The following ENOSF1 variants were observed in gnomAD, a reference collection of about 807,000 sequenced individuals.
ENOSF1 encodes enolase superfamily member 1.
Under a neutral mutation model 68.2 loss-of-function variants are expected in ENOSF1, and 73 were observed. The ratio of observed to expected loss-of-function variants is 1.07; its 90% CI spans 0.89 to 1.30. The LOEUF (loss-of-function observed/expected upper bound fraction) is 1.30. Ranked by LOEUF, ENOSF1 falls within the 50% of genes most tolerant of loss-of-function variation. The probability of loss-of-function intolerance (pLI) is 0.00; values close to 1 mark genes in which losing one functional copy is unlikely to be tolerated. For missense variants in ENOSF1, 589 were observed against 554.5 expected (o/e 1.06, Z -0.62); for synonymous variants, 223 against 210.4 (o/e 1.06, Z -0.52).
chr18:669,182 A>G, downstream of ENOSF1: 1 of 1,612,428 alleles, frequency 6.2e-7, no homozygotes, highest in South Asian at 1.1e-5. Context: ...AGGTTGAAAG[A>G]ACCCCGTCGT....
intron 1 of ENOSF1, among the ~76,000 whole-genome samples, chr18:711,587 G>A (rs896111175): frequency 6.6e-6 from 1 of 152,182 alleles, no homozygotes; most frequent in Non-Finnish European, 1.5e-5. Context: ...TGGGGAACAG[G>A]CTCCCTGAAA....
intron 2 of ENOSF1, among the ~76,000 whole-genome samples, chr18:703,320 C>T (rs1400378512): frequency 1.3e-5 from 2 of 152,110 alleles, no homozygotes; most frequent in Admixed American, 6.6e-5. Context: ...AGGGCCCCTC[C>T]ACGTGTGCCC....
chr18:667,265 A>G (rs1475697480), downstream of ENOSF1, among the ~76,000 whole-genome samples: 1 of 23,860 alleles, frequency 4.2e-5, no homozygotes, highest in Non-Finnish European at 7.1e-5. Flanking sequence ...GGTGATGGAG[A>G]TGGTGATGGT....
rs958340690 is a variant in ENOSF1 at position 677,783 on chromosome 18, A to G, written c.1008T>C (p.Asn336=). ...QIDSCRLGSV[N]ENLSVLLMAK... Reference sequence around the variant, plus strand: ...CCATCAGCAATACTGAGAGGTTCTCATTGACACTGCCCAGTCTGCAACTGT... The same window carrying G: ...CCATCAGCAATACTGAGAGGTTCTCGTTGACACTGCCCAGTCTGCAACTGT... Residue 336 remains asparagine (N), a synonymous_variant, in exon 13 of 16, where the codon AAT becomes AAC. Coordinates refer to ENST00000647584, the MANE Select transcript of ENOSF1 (RefSeq NM_017512.7). The G allele has an allele frequency of 3.7e-6, 6 of 1,614,072 alleles. No homozygotes were observed. The African/African-American group carries it at 6.7e-5, about 18-fold the overall frequency.
rs1267323730 is a variant in ENOSF1 at position 670,502 on chromosome 18, C to G, written c.*3803G>C. 7 of 596,824 alleles carry G rather than the reference C, an allele frequency of 1.2e-5. No homozygotes were observed. The highest frequency in any genetic ancestry group is 1.9e-5 in the African/African-American group (1 of 53,706). 37.0% of individuals were successfully genotyped at this position (596,824 alleles called of 1,614,324 possible). ...ATGGACACCTGCAGAAACCTTGCAC[C>G]GATGGATAGTCTCCCTCAGCTCCGT... On this transcript the variant is annotated 3_prime_UTR_variant, in exon 16 of 16. Coordinates refer to ENST00000647584, the MANE Select transcript of ENOSF1 (RefSeq NM_017512.7).
In ENOSF1 at chr18:689,286, T is replaced by G. The variant is rs116073469; in HGVS notation, c.619-678A>C. Among the ~76,000 whole-genome samples, 703 of 152,190 alleles carry G rather than the reference T, an allele frequency of 4.6e-3. 2 individuals are homozygous for G. Among genetic ancestry groups the G allele is most frequent in the African/African-American group, 0.016 (673 of 41,536 alleles). Reference sequence around the variant, plus strand: ...GAGGGCTTGGATCCAAAATAATTTTTTTGTTGTTTTTTGAGACGGACTCTT... The same window carrying G: ...GAGGGCTTGGATCCAAAATAATTTTGTTGTTGTTTTTTGAGACGGACTCTT... On this transcript the variant is annotated intron_variant, in intron 8 of 15. Coordinates refer to ENST00000647584, the MANE Select transcript of ENOSF1 (RefSeq NM_017512.7).
At chr18:709,141 AG>A (rs762660754) in intron 1 of ENOSF1, among the ~76,000 whole-genome samples, 3 of 152,230 alleles carry the variant, frequency 2.0e-5, no homozygotes, top group Non-Finnish European at 4.4e-5. Context: ...AAAACCAAAC[AG>A]GAAGTATCCA....
intron 9 of ENOSF1, chr18:687,941 CG>C (rs1432166107): frequency 1.3e-5 from 2 of 152,290 alleles, no homozygotes; most frequent in Non-Finnish European, 2.9e-5. Context: ...CTGAGGCAGG[CG>C]GATCACCTGA....
chr18:690,994 C>G lies in ENOSF1; in HGVS notation c.535+74G>C, dbSNP rs1014044119. 3.3e-6 allele frequency: 5 copies of G among 1,517,020 alleles called. No homozygotes were observed. The African/African-American group carries it at 6.9e-5, about 21-fold the overall frequency. 94.0% of individuals were successfully genotyped at this position (1,517,020 alleles called of 1,614,324 possible). ...AGGGCATTTGGGAAGACAATGTGTA[C>G]CCCAAAAGGACAGGGGCACTCAAAA... On this transcript the variant is annotated intron_variant, in intron 7 of 15. Transcript: ENST00000647584.
chr18:669,021 A>G (rs2074922895), downstream of ENOSF1: 1 of 1,488,032 alleles, frequency 6.7e-7, no homozygotes, highest in East Asian at 2.3e-5. Context: ...CCATCTCATG[A>G]CATGTGTGAT....
chr18:683,345 C>A lies in ENOSF1; in HGVS notation c.777G>T (p.Glu259Asp). ...MDANQRWDVP[E>D]AVEWMSKLAK... ...CCAGCTTGGACATCCACTCCACCGC[C>A]TCAGGCACATCCCAGCGCTGGTTGG... The change falls in exon 11 of 16, where the codon GAG becomes GAT. Residue 259 changes from glutamate to aspartate, a missense_variant. Transcript: ENST00000647584. The A allele has an allele frequency of 6.2e-7, 1 of 1,614,166 alleles. No individual in the cohort carries two copies. Among genetic ancestry groups the A allele is most frequent in the Non-Finnish European group, 8.5e-7 (1 of 1,180,034 alleles).
chr18:693,142 A>C lies in ENOSF1; in HGVS notation c.423+740T>G, dbSNP rs867099971. 2.6e-5 allele frequency: 34 copies of C among 1,288,930 alleles called. 2 individuals are homozygous for C. In the Middle Eastern group the frequency reaches 4.9e-3, roughly 185 times the overall value. 79.8% of individuals were successfully genotyped at this position (1,288,930 alleles called of 1,614,324 possible). A position where few individuals can be genotyped will look rare whatever the true frequency, so the allele number is the denominator to read the frequency against. ...AAGCTCATTCCCCTTTAATTTGCCCAGTTTTTTCCTCCTCAGCATCCAGTT... is the reference window on the plus strand; with the variant it reads ...AAGCTCATTCCCCTTTAATTTGCCCCGTTTTTTCCTCCTCAGCATCCAGTT... On this transcript the variant is annotated intron_variant, in intron 5 of 15. Coordinates refer to ENST00000647584, the MANE Select transcript of ENOSF1 (RefSeq NM_017512.7).
rs1703168604 is a variant in ENOSF1 at position 672,866 on chromosome 18, C to T, written c.*1439G>A. Reference sequence around the variant, plus strand: ...GGCCTTATTTTGTTTTTAGCTTCAGCGAGAACCCAGACCTTTCCCAAAGCT... The same window carrying T: ...GGCCTTATTTTGTTTTTAGCTTCAGTGAGAACCCAGACCTTTCCCAAAGCT... On this transcript the variant is annotated 3_prime_UTR_variant, in exon 16 of 16. Transcript: ENST00000647584. 6.4e-7 allele frequency: 1 copy of T among 1,564,226 alleles called. No homozygotes were observed. The highest frequency in any genetic ancestry group is 8.7e-7 in the Non-Finnish European group (1 of 1,143,450).
chr18:683,182 C>G, intron 11 of ENOSF1, 64 bp downstream of exon 11: 1 of 1,599,990 alleles, frequency 6.3e-7, no homozygotes. Context: ...AGGATCTGTC[C>G]CCAGCACTCT....
At chr18:706,815 A>T (rs574320251) in intron 1 of ENOSF1, 7,813 of 130,992 alleles carry the variant, frequency 0.06, 282 homozygotes, top group South Asian at 0.15. Flanking sequence ...ATATATATAT[A>T]TTTTTTTTTT....
intron 1 of ENOSF1, chr18:712,296 G>T: frequency 2.0e-6 from 3 of 1,518,050 alleles, no homozygotes; most frequent in Non-Finnish European, 1.8e-6. Flanking sequence ...TCGGGAAGCT[G>T]CCCGGGGCCC....
chr18:704,835 G>A (rs1360351408), intron 2 of ENOSF1, among the ~76,000 whole-genome samples: 1 of 152,078 alleles, frequency 6.6e-6, no homozygotes, highest in Non-Finnish European at 1.5e-5. Context: ...TGAACTGCTT[G>A]ACTCAAGCAA....
chr18:710,747 A>T (rs2079429967), intron 1 of ENOSF1, among the ~76,000 whole-genome samples: 1 of 152,196 alleles, frequency 6.6e-6, no homozygotes, highest in Non-Finnish European at 1.5e-5. Flanking sequence ...TAAAGTGAAT[A>T]TTATTATACC....
Position 691,099 on chromosome 18 carries a change from C to T in ENOSF1, c.504G>A (p.Leu168=), listed in dbSNP as rs2077112141. Residue 168 remains leucine, a synonymous_variant, in exon 7 of 16, where the codon CTG becomes CTA. Transcript: ENST00000647584. ...VLTEEDALEI[L]QKGQIGKKER... ...CTTTTTTACCAATTTGACCTTTCTG[C>T]AGTATTTCTGGAAGAAATAAAAAGC... is the stretch of plus-strand genomic sequence containing the variant. The T allele has an allele frequency of 1.9e-6, 3 of 1,614,164 alleles. No homozygotes were observed. Among genetic ancestry groups the T allele is most frequent in the Non-Finnish European group, 2.5e-6 (3 of 1,180,020 alleles).
Sources: gnomAD v4.1 joint callset for allele counts (sites outside exome capture counted in the v4.1 genomes callset) on GRCh38, gnomAD v4.1.1 for gene constraint, MANE v1.5 for transcripts, NCBI Gene and HGNC (gene_info 2026-07-23, HGNC 2026-07-21) for gene names.